Variants in ZNF136 observed in about 807,000 individuals in gnomAD.
The protein encoded by ZNF136 is zinc finger protein 136.
In ZNF136, 8 loss-of-function variants were observed where a neutral mutation model predicts 11.4. That is an observed-to-expected ratio of 0.70 (90% CI 0.41 to 1.27). ZNF136 has a LOEUF of 1.27. Among genes scored for constraint, ZNF136 ranks in the 50% most tolerant of loss-of-function variants. The pLI, the probability that ZNF136 is intolerant of heterozygous loss-of-function variation, is 0.01. For synonymous variants in ZNF136, 190 were observed against 207.1 expected, an observed-to-expected ratio of 0.92 and a Z score of 0.71; for missense variants, 590 against 656.5, an observed-to-expected ratio of 0.90 and a Z score of 1.11.
intron 3 of ZNF136, 94 bp from the exon 4 acceptor site, chr19:12,186,476 C>T (rs766643544): frequency 4.6e-4 from 507 of 1,113,566 alleles, no homozygotes; most frequent in Admixed American, 1.8e-3. Flanking sequence ...ATCGAGTCTA[C>T]GCTTTACCTG....
rs777162988 is a variant in ZNF136, at chr19:12,187,608, TGAAA to T, written c.1234_1237del (p.Arg412LeufsTer56). 2.5e-6 allele frequency: 4 copies of T among 1,614,058 alleles called. No homozygotes were observed. Among genetic ancestry groups the T allele is most frequent in the Non-Finnish European group, 8.5e-7 (1 of 1,180,022 alleles). ...ATTCTCTGAGTCCATTTCGAATACA[TGAAA>T]GAACTCACACTGGAGAGAAACCTTA... On this transcript the variant is annotated frameshift_variant, in exon 4 of 4. Transcript: ENST00000343979. LOFTEE classifies it low-confidence loss of function (END_TRUNC).
intron 1 of ZNF136, among the ~76,000 whole-genome samples, chr19:12,183,367 C>T (rs1914993910): frequency 6.6e-6 from 1 of 152,110 alleles, no homozygotes; most frequent in South Asian, 2.1e-4. Context: ...ATCTCCTGAG[C>T]TCAAGTGATC....
At chr19:12,186,041 T>C in intron 2 of ZNF136, 73 bp from the exon 3 acceptor site, 5 of 1,593,280 alleles carry the variant, frequency 3.1e-6, no homozygotes, top group Non-Finnish European at 4.3e-6. Flanking sequence ...TCACAGGGTA[T>C]CATGAACCTA....
chr19:12,183,221 T>C (rs1222538984), intron 1 of ZNF136, among the ~76,000 whole-genome samples: 2 of 151,884 alleles, frequency 1.3e-5, no homozygotes, highest in African/African-American at 4.8e-5. Flanking sequence ...CACGTCTCAC[T>C]GCAACCTCCA....
At chr19:12,164,396 C>A (rs912620098) in intron 1 of ZNF136, among the ~76,000 whole-genome samples, 10 of 151,932 alleles carry the variant, frequency 6.6e-5, no homozygotes, top group South Asian at 4.2e-4. Context: ...CTCAGCCTCC[C>A]CTGTAGTTGG....
At chr19:12,181,663 C>A (rs1172990240) in intron 1 of ZNF136, among the ~76,000 whole-genome samples, 1 of 151,724 alleles carries the variant, frequency 6.6e-6, no homozygotes, top group Non-Finnish European at 1.5e-5. Flanking sequence ...GGGACAGAGC[C>A]TCACTGAGTC....
rs764578618 is a variant in ZNF136, at chr19:12,187,026, A to G, written c.648A>G (p.Arg216=). ...DYPSRFRTHE[R]SHTGEKPYEC... is the part of the protein sequence containing the mutation. ...CCAGTAGATTTCGAACACATGAAAG[A>G]AGTCACACTGGAGAGAAACCCTATG... The change falls in exon 4 of 4, where the codon AGA becomes AGG. Residue 216 remains arginine, a synonymous_variant. Transcript: ENST00000343979. 2.7e-5 allele frequency: 43 copies of G among 1,614,060 alleles called. No homozygotes were observed. The highest frequency in any genetic ancestry group is 3.5e-5 in the Non-Finnish European group (41 of 1,180,040).
At chr19:12,165,013 C>T (rs1977166292) in intron 1 of ZNF136, 1 of 152,184 alleles carries the variant, frequency 6.6e-6, no homozygotes, top group African/African-American at 2.4e-5. Flanking sequence ...TGTATCAGCC[C>T]ACATCCTGTC....
At chr19:12,180,889 AC>A (rs1363241140) in intron 1 of ZNF136, among the ~76,000 whole-genome samples, 1 of 152,230 alleles carries the variant, frequency 6.6e-6, no homozygotes, top group Non-Finnish European at 1.5e-5. Context: ...TGCTAGAACC[AC>A]GTTGGATCCC....
Position 12,172,925 on chromosome 19 carries a change from T to C in ZNF136, c.3+9719T>C, listed in dbSNP as rs186193220. ...TACTCGGGAGGCTGAGGCCAGAGAA[T>C]CACTTTAACCAGGGAGTCGGAGGTT... On this transcript the variant is annotated intron_variant, in intron 1 of 3. Transcript: ENST00000343979. Among the ~76,000 whole-genome samples, 324 of 152,102 alleles carry C rather than the reference T, an allele frequency of 2.1e-3. 1 individual carries two copies. The highest frequency in any genetic ancestry group is 7.3e-3 in the African/African-American group (302 of 41,478).
At chr19:12,173,027 A>T (rs780202465) in intron 1 of ZNF136, among the ~76,000 whole-genome samples, 1 of 152,066 alleles carries the variant, frequency 6.6e-6, no homozygotes, top group African/African-American at 2.4e-5. Flanking sequence ...AAACAAAAAA[A>T]TTCCCGGAGA....
At chr19:12,166,845 G>A (rs1977193371) in intron 1 of ZNF136, among the ~76,000 whole-genome samples, 1 of 152,170 alleles carries the variant, frequency 6.6e-6, no homozygotes, top group Non-Finnish European at 1.5e-5. Context: ...ATATCCACAT[G>A]AGGTATGTAA....
chr19:12,165,489 T>C (rs1479594265), intron 1 of ZNF136, among the ~76,000 whole-genome samples: 1 of 152,218 alleles, frequency 6.6e-6, no homozygotes, highest in Non-Finnish European at 1.5e-5. Context: ...AAGAGATTAG[T>C]CTTATATTCC....
chr19:12,188,079 T>C lies in ZNF136; in HGVS notation c.*78T>C. ...TGAATGTAAGTAACGTGGGAAAGCA[T>C]GAAATTCTGTCAGTGCCTTTTTTAA... On this transcript the variant is annotated 3_prime_UTR_variant, in exon 4 of 4. Transcript: ENST00000343979. 7.8e-7 allele frequency: 1 copy of C among 1,290,008 alleles called. No individual in the cohort carries two copies. Among genetic ancestry groups the C allele is most frequent in the Non-Finnish European group, 1.0e-6 (1 of 973,210 alleles). The allele number at this position is 1,290,008 out of a possible 1,614,324, so 79.9% of individuals were successfully genotyped here.
intron 1 of ZNF136, among the ~76,000 whole-genome samples, chr19:12,179,977 T>C (rs1284497081): frequency 1.3e-5 from 2 of 151,906 alleles, no homozygotes; most frequent in Non-Finnish European, 2.9e-5. Flanking sequence ...ACCATTCTCC[T>C]GCCTCAGCCT....
chr19:12,187,406 A>G lies in ZNF136; in HGVS notation c.1028A>G (p.Lys343Arg). 1 of 1,613,998 alleles carries G rather than the reference A, an allele frequency of 6.2e-7. No homozygotes were observed. Among genetic ancestry groups the G allele is most frequent in the South Asian group, 1.1e-5 (1 of 91,070 alleles). The change falls in exon 4 of 4, where the codon AAA becomes AGA. Residue 343 changes from lysine (K) to arginine (R), a missense_variant. By Grantham distance (26) the Lys-to-Arg change is conservative (BLOSUM62 2). Transcript: ENST00000343979. ...CCCTTCGTATGTAAACAATGTGGTAAAGCCTTTAGATCTGCCAGTACCTTT... is the reference window on the plus strand; with the variant it reads ...CCCTTCGTATGTAAACAATGTGGTAGAGCCTTTAGATCTGCCAGTACCTTT... ...EKPFVCKQCG[K>R]AFRSASTFQI...
Position 12,186,607 on chromosome 19 carries a change from G to A in ZNF136, c.229G>A (p.Gly77Ser), listed in dbSNP as rs1915092542. 1.2e-6 allele frequency: 2 copies of A among 1,613,848 alleles called. No homozygotes were observed. The highest frequency in any genetic ancestry group is 1.3e-5 in the African/African-American group (1 of 74,926). ...MLERLYQTKD[G>S]SQRGGIFSQF... Reference sequence around the variant, plus strand: ...AGAAAGACTCTATCAAACTAAGGATGGTAGTCAGCGTGGAGGAATTTTTAG... The same window carrying A: ...AGAAAGACTCTATCAAACTAAGGATAGTAGTCAGCGTGGAGGAATTTTTAG... The change falls in exon 4 of 4, where the codon GGT (glycine) becomes AGT (serine). Residue 77 changes from glycine (G) to serine (S), a missense_variant. Physicochemically the swap from Gly to Ser is moderately conservative, Grantham distance 56. Coordinates refer to ENST00000343979, the MANE Select transcript of ZNF136 (RefSeq NM_003437.5).
At chr19:12,167,981 AT>A (rs1268745708) in intron 1 of ZNF136, among the ~76,000 whole-genome samples, 6 of 148,160 alleles carry the variant, frequency 4.0e-5, no homozygotes, top group Middle Eastern at 7.2e-3. Context: ...TACCTTTTCC[AT>A]TACTTCACGG....
intron 1 of ZNF136, among the ~76,000 whole-genome samples, chr19:12,179,321 T>A (rs1473688792): frequency 6.6e-6 from 1 of 151,740 alleles, no homozygotes; most frequent in East Asian, 1.9e-4. Context: ...TTTTTTCTTT[T>A]TTTTTTGAGA....
Sources: allele counts gnomAD v4.1 joint callset (sites outside exome capture counted in the v4.1 genomes callset), GRCh38; gene constraint gnomAD v4.1.1; transcripts MANE v1.5; gene names NCBI Gene and HGNC (gene_info 2026-07-23, HGNC 2026-07-21).